The following TMEM266 variants were observed in gnomAD, a reference collection of about 807,000 sequenced individuals.
TMEM266 encodes Hv1 related protein 1.
A neutral mutation model predicts 50.5 loss-of-function variants in TMEM266; 33 were observed. The ratio of observed to expected loss-of-function variants is 0.65; its 90% CI spans 0.50 to 0.87. The LOEUF (loss-of-function observed/expected upper bound fraction) is 0.87, where lower values mean the gene tolerates loss of function less well. Among genes scored for constraint, TMEM266 ranks in the 40% least tolerant of loss-of-function variants. The probability of loss-of-function intolerance (pLI) is 0.00; values close to 1 mark genes in which losing one functional copy is unlikely to be tolerated. For synonymous variants in TMEM266, 310 were observed against 292.3 expected, an observed-to-expected ratio of 1.06 and a Z score of -0.62; for missense variants, 655 against 695.1, an observed-to-expected ratio of 0.94 and a Z score of 0.65.
intron 1 of TMEM266, among the ~76,000 whole-genome samples, chr15:76,089,619 T>C (rs904777331): frequency 3.9e-5 from 6 of 152,166 alleles, no homozygotes; most frequent in African/African-American, 1.4e-4. Flanking sequence ...TTAAACATTC[T>C]GTGAGCAGGA....
In TMEM266 at chr15:76,204,607, A is replaced by C. The variant is rs2038808507; in HGVS notation, c.*292A>C. The C allele has an allele frequency of 3.8e-6, 1 of 261,740 alleles. No individual in the cohort carries two copies. The highest frequency in any genetic ancestry group is 7.3e-6 in the Non-Finnish European group (1 of 136,876). 16.2% of individuals were successfully genotyped at this position (261,740 alleles called of 1,614,324 possible). On this transcript the variant is annotated 3_prime_UTR_variant, in exon 11 of 11. Coordinates refer to ENST00000388942, the MANE Select transcript of TMEM266 (RefSeq NM_152335.3). ...GCCTGTGGCCCAGCTTCAGCAGGGT[A>C]GAGTGTGGGGGGGCCAGCTCAGCCT... is the stretch of plus-strand genomic sequence containing the variant.
Position 76,156,636 on chromosome 15 carries a change from G to C in TMEM266, c.260G>C (p.Arg87Thr), listed in dbSNP as rs976221083. ...TGGCTGAAGCCGTGCTGTGGGAAGA[G>C]AGCAGCCGTGTGGCAGGTATTTTTG... The change falls in exon 4 of 11, where the codon AGA (arginine) becomes ACA (threonine). Residue 87 changes from arginine to threonine, a missense_variant. By Grantham distance (71) the Arg-to-Thr change is moderately conservative (BLOSUM62 -1). Around this residue, in one of 3 missense-constraint regions of TMEM266, gnomAD observed 99 missense variants for 110.8 expected, o/e 0.89. Transcript: ENST00000388942. The C allele has an allele frequency of 4.3e-6, 7 of 1,614,096 alleles. No homozygotes were observed. Among genetic ancestry groups the C allele is most frequent in the Non-Finnish European group, 5.9e-6 (7 of 1,180,056 alleles).
intron 3 of TMEM266, among the ~76,000 whole-genome samples, chr15:76,151,556 C>G (rs1322326919): frequency 6.6e-6 from 1 of 152,074 alleles, no homozygotes; most frequent in Non-Finnish European, 1.5e-5. Context: ...AGCCCAGAAC[C>G]TACCTGAACA....
At chr15:76,077,103 T>A (rs2036618378) in intron 1 of TMEM266, among the ~76,000 whole-genome samples, 1 of 151,988 alleles carries the variant, frequency 6.6e-6, no homozygotes. Flanking sequence ...TAGCTGGGAC[T>A]GCAGGTGCAT....
Position 76,160,145 on chromosome 15 carries a change from AT to A in TMEM266, c.435del (p.Leu146CysfsTer25), listed in dbSNP as rs761802481. On this transcript the variant is annotated frameshift_variant, in exon 5 of 11. Coordinates refer to ENST00000388942, the MANE Select transcript of TMEM266 (RefSeq NM_152335.3). LOFTEE classifies it high-confidence loss of function. The surrounding 1 kb of genome is among the most constrained non-coding windows in gnomAD (Gnocchi z 5.7). ...CGTGATTCACTGGATCAGCCTGGTCATTCTGTCCGTGTTCTTCTCAGAGGTA... is the reference window on the plus strand; with the variant it reads ...CGTGATTCACTGGATCAGCCTGGTCATCTGTCCGTGTTCTTCTCAGAGGTA... 2 of 1,614,122 alleles carry A rather than the reference AT, an allele frequency of 1.2e-6. No individual in the cohort carries two copies. The highest frequency in any genetic ancestry group is 3.3e-5 in the Admixed American group (2 of 60,012).
rs1413751828 is a variant in TMEM266, at chr15:76,204,262, T to A, written c.1543T>A (p.Phe515Ile). ...CACTGTGCCCATGCTGGAGGACAAG[T>A]TCAGATCTTTGGAATCCAAAGAGCA... The change falls in exon 11 of 11, where the codon TTC becomes ATC. Residue 515 changes from phenylalanine (F) to isoleucine (I), a missense_variant. Coordinates refer to ENST00000388942, the MANE Select transcript of TMEM266 (RefSeq NM_152335.3). 4 of 1,613,350 alleles carry A rather than the reference T, an allele frequency of 2.5e-6. No individual in the cohort carries two copies. The highest frequency in any genetic ancestry group is 1.7e-5 in the Admixed American group (1 of 60,008).
chr15:76,115,088 T>C (rs2037228148), intron 1 of TMEM266, among the ~76,000 whole-genome samples: 1 of 152,144 alleles, frequency 6.6e-6, no homozygotes, highest in Non-Finnish European at 1.5e-5. Context: ...CTGGGCAACA[T>C]AGTGAGACCC....
chr15:76,140,111 C>T (rs978456340), intron 3 of TMEM266, among the ~76,000 whole-genome samples: 1 of 152,248 alleles, frequency 6.6e-6, no homozygotes, highest in Non-Finnish European at 1.5e-5. Flanking sequence ...GCAGAGAGGC[C>T]TTTGATTTGA....
chr15:76,066,599 G>T (rs2036424954), intron 1 of TMEM266, among the ~76,000 whole-genome samples: 1 of 151,550 alleles, frequency 6.6e-6, no homozygotes, highest in African/African-American at 2.4e-5. Flanking sequence ...GGTGAAGAGG[G>T]CATTGAAGTT....
chr15:76,118,570 G>A (rs755393527), intron 1 of TMEM266, among the ~76,000 whole-genome samples: 1 of 152,072 alleles, frequency 6.6e-6, no homozygotes, highest in Non-Finnish European at 1.5e-5. Flanking sequence ...AAAAATAAAG[G>A]AAGGAAACTT....
chr15:76,134,557 C>T (rs2037561791), intron 2 of TMEM266, among the ~76,000 whole-genome samples: 1 of 152,206 alleles, frequency 6.6e-6, no homozygotes, highest in Non-Finnish European at 1.5e-5. Flanking sequence ...AAACCCGGGG[C>T]AGAATTCTTA....
intron 7 of TMEM266, among the ~76,000 whole-genome samples, chr15:76,173,648 G>A (rs2038221419): frequency 6.6e-6 from 1 of 152,182 alleles, no homozygotes; most frequent in Non-Finnish European, 1.5e-5. Context: ...GTGAAAGTCT[G>A]CAGGCCAGGC....
At chr15:76,061,098 C>T (rs200393356) in intron 1 of TMEM266, among the ~76,000 whole-genome samples, 6 of 152,066 alleles carry the variant, frequency 3.9e-5, no homozygotes, top group Non-Finnish European at 7.4e-5. Flanking sequence ...TAACTGCTTA[C>T]CTCCTCCCCC....
chr15:76,074,110 A>G (rs2036573570), intron 1 of TMEM266, among the ~76,000 whole-genome samples: 1 of 152,290 alleles, frequency 6.6e-6, no homozygotes, highest in Admixed American at 6.5e-5. Context: ...CACATAATGC[A>G]TAAATTGGAA....
chr15:76,189,626 G>C lies in TMEM266; in HGVS notation c.769-2342G>C, dbSNP rs189029339. On this transcript the variant is annotated intron_variant, in intron 8 of 10. Coordinates refer to ENST00000388942, the MANE Select transcript of TMEM266 (RefSeq NM_152335.3). ...GTGTAGTGTGAAGCTGACACTGGGT[G>C]GGGGTGGCTAAAGGTCTGCATGCAT... Among the ~76,000 whole-genome samples the C allele has an allele frequency of 1.6e-3, 247 of 152,250 alleles. 3 individuals are homozygous for C. The highest frequency in any genetic ancestry group is 4.7e-3 in the Admixed American group (72 of 15,290).
intron 3 of TMEM266, among the ~76,000 whole-genome samples, chr15:76,150,851 G>A (rs759570299): frequency 2.0e-5 from 3 of 152,236 alleles, no homozygotes; most frequent in Non-Finnish European, 4.4e-5. Context: ...CCGGAAGTTT[G>A]TCAGTTCATT....
chr15:76,181,825 C>T (rs1275233698), intron 8 of TMEM266, among the ~76,000 whole-genome samples: 2 of 152,224 alleles, frequency 1.3e-5, no homozygotes, highest in South Asian at 2.1e-4. Flanking sequence ...TACCTCCATG[C>T]GTGGGATCTC....
At chr15:76,117,611 C>T (rs773315091) in intron 1 of TMEM266, among the ~76,000 whole-genome samples, 1 of 152,070 alleles carries the variant, frequency 6.6e-6, no homozygotes, top group Non-Finnish European at 1.5e-5. Context: ...ATATATCTGC[C>T]GTTTGTTTTG....
chr15:76,195,777 G>T (rs533651947), intron 9 of TMEM266, among the ~76,000 whole-genome samples: 106 of 152,344 alleles, frequency 7.0e-4, no homozygotes, highest in Non-Finnish European at 1.1e-3. Context: ...CACAGCCCTT[G>T]TTGTCCCTCA....
Sources: allele counts gnomAD v4.1 joint callset (sites outside exome capture counted in the v4.1 genomes callset), GRCh38; gene constraint gnomAD v4.1.1; regional missense constraint gnomAD v4.1.1; non-coding constraint Gnocchi (gnomAD v3.1); transcripts MANE v1.5; gene names NCBI Gene and HGNC (gene_info 2026-07-23, HGNC 2026-07-21).